The following FBN2 variants were observed in gnomAD, a reference collection of about 807,000 sequenced individuals.
FBN2 encodes the protein fibrillin 2, also known as fibrillin-2.
In FBN2, 105 loss-of-function variants were observed where a neutral mutation model predicts 355.6. That is an observed-to-expected ratio of 0.30 (90% CI 0.25 to 0.35). The LOEUF is 0.35. Ranked by LOEUF, FBN2 falls within the 10% of genes least tolerant of loss-of-function variation. The pLI is 1.00. For synonymous variants in FBN2, 1,350 were observed against 1,301.2 expected, an observed-to-expected ratio of 1.04 and a Z score of -0.81; for missense variants, 3,280 against 3,758.7, an observed-to-expected ratio of 0.87 and a Z score of 3.33.
chr5:128,463,845 C>G (rs141362823), intron 6 of FBN2, among the ~76,000 whole-genome samples: 83 of 152,080 alleles, frequency 5.5e-4, no homozygotes, highest in East Asian at 4.1e-3. Context: ...AGAAAATAAC[C>G]CTAACTCTCA....
chr5:128,365,668 G>A (rs1016921920), intron 17 of FBN2, among the ~76,000 whole-genome samples: 15 of 149,608 alleles, frequency 1.0e-4, no homozygotes, highest in Admixed American at 6.0e-4. Context: ...ATATATAACC[G>A]TATATATATT....
Position 128,318,163 on chromosome 5 carries a change from C to A in FBN2, c.4703G>T (p.Gly1568Val). Reference sequence around the variant, plus strand: ...GCTTTACTTACCAACACAACCCACACCAGTTGGGTTCAACTGAAAATCGGG... The same window carrying A: ...GCTTTACTTACCAACACAACCCACAACAGTTGGGTTCAACTGAAAATCGGG... ...CPPDFQLNPT[G>V]VGCVDNRVGN... The change falls in exon 36 of 65, where the codon GGT (glycine) becomes GTT (valine). Residue 1568 changes from glycine (G) to valine (V), a missense_variant. Gly to Val is a moderately radical substitution (Grantham distance 109). This residue lies in a region of FBN2 where 2,284 missense variants were observed against 2,749.5 expected (regional missense o/e 0.83). Coordinates refer to ENST00000262464, the MANE Select transcript of FBN2 (RefSeq NM_001999.4). The A allele has an allele frequency of 6.2e-7, 1 of 1,613,964 alleles. No individual in the cohort carries two copies. Among genetic ancestry groups the A allele is most frequent in the East Asian group, 2.2e-5 (1 of 44,874 alleles).
intron 25 of FBN2, among the ~76,000 whole-genome samples, chr5:128,340,197 A>G (rs914584741): frequency 1.3e-5 from 2 of 152,226 alleles, no homozygotes; most frequent in Non-Finnish European, 2.9e-5. Flanking sequence ...AAAATCTGTC[A>G]GTGGGGAAAA....
intron 9 of FBN2, among the ~76,000 whole-genome samples, chr5:128,394,169 A>G (rs1752589424): frequency 6.6e-6 from 1 of 152,174 alleles, no homozygotes; most frequent in Admixed American, 6.5e-5. Flanking sequence ...TATTGGCATA[A>G]ATATTTGTAA....
chr5:128,382,574 A>T (rs546970077), intron 11 of FBN2, among the ~76,000 whole-genome samples: 2 of 152,142 alleles, frequency 1.3e-5, no homozygotes, highest in Non-Finnish European at 2.9e-5. Context: ...ATAATTAAAT[A>T]CCCTAGACAC....
chr5:128,537,947 C>G lies in FBN2; in HGVS notation c.-344G>C, dbSNP rs564044015. On this transcript the variant is annotated 5_prime_UTR_variant, in exon 1 of 65. Coordinates refer to ENST00000262464, the MANE Select transcript of FBN2 (RefSeq NM_001999.4). The stretch of plus-strand genomic sequence containing the variant: ...GGGGAGGAAATTACAAAAGCCCTGG[C>G]GTAAAATTTCAAAAAATGTGAACCT... 1.3e-3 allele frequency: 469 copies of G among 355,766 alleles called. 3 individuals are homozygous for G. Among genetic ancestry groups the G allele is most frequent in the African/African-American group, 8.7e-3 (408 of 46,872 alleles). The allele number at this position is 355,766 out of a possible 1,614,324, so 22.0% of individuals were successfully genotyped here. A position where few individuals can be genotyped will look rare whatever the true frequency, so the allele number is the denominator to read the frequency against.
chr5:128,263,864 TTC>T (rs1323852027), intron 62 of FBN2, among the ~76,000 whole-genome samples: 1 of 152,234 alleles, frequency 6.6e-6, no homozygotes, highest in Non-Finnish European at 1.5e-5. Flanking sequence ...CTTTGCTCTT[TTC>T]TGTTTGTACT....
intron 7 of FBN2, among the ~76,000 whole-genome samples, chr5:128,420,526 G>C (rs1000149908): frequency 6.6e-6 from 1 of 152,056 alleles, no homozygotes; most frequent in African/African-American, 2.4e-5. Context: ...ACAAATGTTA[G>C]CTTTAGCTAT....
chr5:128,337,114 G>T (rs1313612041), intron 27 of FBN2, among the ~76,000 whole-genome samples: 1 of 152,074 alleles, frequency 6.6e-6, no homozygotes, highest in Non-Finnish European at 1.5e-5. Context: ...TAAATATTCT[G>T]CAATTATTAG....
At chr5:128,485,688 G>A (rs781641006) in intron 5 of FBN2, among the ~76,000 whole-genome samples, 3 of 152,036 alleles carry the variant, frequency 2.0e-5, no homozygotes, top group Non-Finnish European at 4.4e-5. Context: ...TCATGAGGGC[G>A]GTTACACTCT....
intron 7 of FBN2, among the ~76,000 whole-genome samples, chr5:128,426,400 G>A (rs1287733419): frequency 6.6e-5 from 10 of 152,128 alleles, no homozygotes; most frequent in Non-Finnish European, 1.2e-4. Flanking sequence ...GACTTAGGAC[G>A]ATAAGTCATG....
Position 128,396,602 on chromosome 5 carries a change from A to G in FBN2, c.1079-1328T>C, listed in dbSNP as rs147362186. On this transcript the variant is annotated intron_variant, in intron 8 of 64. Coordinates refer to ENST00000262464, the MANE Select transcript of FBN2 (RefSeq NM_001999.4). ...GATAGCAGAATACACAATGGATCAAAATGATCAGATAAAGGCTAGAAGACA... is the reference window on the plus strand; with the variant it reads ...GATAGCAGAATACACAATGGATCAAGATGATCAGATAAAGGCTAGAAGACA... 3.3e-5 allele frequency among the ~76,000 whole-genome samples: 5 copies of G among 152,368 alleles called. No homozygotes were observed. In the South Asian group the frequency reaches 6.2e-4, roughly 19 times the overall value.
intron 48 of FBN2, among the ~76,000 whole-genome samples, chr5:128,298,969 T>C (rs544824988): frequency 6.6e-6 from 1 of 152,362 alleles, no homozygotes; most frequent in African/African-American, 2.4e-5. Flanking sequence ...TTTGTGGTTT[T>C]ATCTACTTTT....
At chr5:128,349,261 T>C in intron 23 of FBN2, 86 bp downstream of exon 23, 1 of 1,509,306 alleles carries the variant, frequency 6.6e-7, no homozygotes, top group Non-Finnish European at 9.2e-7. Flanking sequence ...AAGTACAAAC[T>C]CTTGTGGTTT....
At chr5:128,476,768 T>C (rs1755015161) in intron 5 of FBN2, among the ~76,000 whole-genome samples, 1 of 152,204 alleles carries the variant, frequency 6.6e-6, no homozygotes, top group Non-Finnish European at 1.5e-5. Context: ...ACTTCTGTTT[T>C]CATGGAACCT....
chr5:128,456,973 G>T (rs549864260), intron 6 of FBN2, among the ~76,000 whole-genome samples: 28 of 152,272 alleles, frequency 1.8e-4, no homozygotes, highest in Admixed American at 1.6e-3. Flanking sequence ...ACAGAAGTAG[G>T]CTTCACAAAA....
intron 10 of FBN2, 145 bp downstream of exon 10, chr5:128,392,988 GTC>G (rs1001356336): frequency 0.012 from 7,123 of 610,774 alleles, no homozygotes; most frequent in South Asian, 0.019. Flanking sequence ...TTTTCCCTCT[GTC>G]TCTCTCTCTC....
At chr5:128,278,572 AT>A (rs1765453561) in intron 57 of FBN2, 62 bp downstream of exon 57, 1 of 1,483,850 alleles carries the variant, frequency 6.7e-7, no homozygotes, top group African/African-American at 1.4e-5. Flanking sequence ...TTTCCTTCAC[AT>A]TTATCTGAAT....
intron 5 of FBN2, among the ~76,000 whole-genome samples, chr5:128,466,256 TTA>T (rs555526486): frequency 1.3e-5 from 2 of 152,180 alleles, no homozygotes; most frequent in Non-Finnish European, 2.9e-5. Flanking sequence ...CACACAGGGA[TTA>T]TGTCAATACA....
Sources: gnomAD v4.1 joint callset for allele counts (sites outside exome capture counted in the v4.1 genomes callset) on GRCh38, gnomAD v4.1.1 for gene constraint, gnomAD v4.1.1 regional missense constraint, MANE v1.5 for transcripts, NCBI Gene and HGNC (gene_info 2026-07-23, HGNC 2026-07-21) for gene names.